Variants in EYA3 observed in about 807,000 individuals in gnomAD.
EYA3 encodes the protein EYA transcriptional coactivator and phosphatase 3.
Under a neutral mutation model 80.0 loss-of-function variants are expected in EYA3, and 39 were observed. That is an observed-to-expected ratio of 0.49 (90% CI 0.38 to 0.64). EYA3 has a LOEUF of 0.64. EYA3 is among the 30% of genes least tolerant of loss of function. EYA3 has a pLI of 0.00. For missense variants in EYA3, 523 were observed against 676.1 expected, an observed-to-expected ratio of 0.77 and a Z score of 2.51; for synonymous variants, 206 against 232.8, an observed-to-expected ratio of 0.88 and a Z score of 1.05.
chr1:27,989,037 T>C (rs992589457), intron 15 of EYA3, among the ~76,000 whole-genome samples: 4 of 152,210 alleles, frequency 2.6e-5, no homozygotes, highest in Admixed American at 6.5e-5. Context: ...TGCAAGTCAG[T>C]CCATAAATGA....
At chr1:28,004,208 G>A (rs1641103822) in intron 11 of EYA3, 128 bp downstream of exon 11, 1 of 574,196 alleles carries the variant, frequency 1.7e-6, no homozygotes, top group Admixed American at 3.3e-5. Context: ...GCCATTTGTT[G>A]AAGTTTTACA....
At chr1:28,083,748 A>G (rs1645513859) in intron 1 of EYA3, among the ~76,000 whole-genome samples, 1 of 152,158 alleles carries the variant, frequency 6.6e-6, no homozygotes, top group South Asian at 2.1e-4. Context: ...TATGTTAATT[A>G]AGTTTATTTA....
chr1:28,001,325 T>C (rs1452975707), intron 11 of EYA3, among the ~76,000 whole-genome samples: 2 of 151,108 alleles, frequency 1.3e-5, no homozygotes, highest in Non-Finnish European at 2.9e-5. Context: ...GCTCTTCCCA[T>C]TATATCTTCT....
At chr1:27,991,852 G>C (rs1640088465) in intron 14 of EYA3, among the ~76,000 whole-genome samples, 1 of 152,106 alleles carries the variant, frequency 6.6e-6, no homozygotes, top group Non-Finnish European at 1.5e-5. Context: ...CAGGAAACCA[G>C]GTCCAGGCAT....
intron 7 of EYA3, among the ~76,000 whole-genome samples, chr1:28,021,228 C>G (rs1372020256): frequency 6.6e-6 from 1 of 152,168 alleles, no homozygotes; most frequent in Non-Finnish European, 1.5e-5. Context: ...CATTTGAGGA[C>G]TTTTGCAATA....
Position 28,013,405 on chromosome 1 carries a change from A to T in EYA3, c.586-111T>A. ...TTCATAATTATTTTTCTAAAACATT[A>T]ATTTGACTTCTCATTTACCTACCTA... On this transcript the variant is annotated intron_variant, in intron 8 of 17. Transcript: ENST00000373871. This position sits in a 1 kb window ranked among gnomAD's most constrained non-coding sequence, Gnocchi z 4.0. The T allele has an allele frequency of 1.0e-6, 1 of 983,994 alleles. No individual in the cohort carries two copies. Among genetic ancestry groups the T allele is most frequent in the Non-Finnish European group, 1.4e-6 (1 of 698,804 alleles). 61.0% of individuals were successfully genotyped at this position (983,994 alleles called of 1,614,324 possible).
chr1:28,026,862 G>A (rs1039508928), intron 7 of EYA3, among the ~76,000 whole-genome samples: 8 of 152,084 alleles, frequency 5.3e-5, no homozygotes, highest in South Asian at 2.1e-4. Flanking sequence ...ATAGAGACCA[G>A]TTCTGTTTCC....
At chr1:28,033,501 T>C (rs1462483778) in intron 6 of EYA3, among the ~76,000 whole-genome samples, 2 of 152,034 alleles carry the variant, frequency 1.3e-5, no homozygotes, top group Non-Finnish European at 2.9e-5. Context: ...CAAGTCTTCC[T>C]TGCCCTCAAA....
intron 9 of EYA3, among the ~76,000 whole-genome samples, chr1:28,012,210 G>C (rs562974245): frequency 6.6e-6 from 1 of 152,106 alleles, no homozygotes; most frequent in Non-Finnish European, 1.5e-5. Context: ...ATATGTAAGT[G>C]TTCATCACAC....
chr1:28,053,935 G>A (rs978433252), intron 2 of EYA3, among the ~76,000 whole-genome samples: 1 of 152,136 alleles, frequency 6.6e-6, no homozygotes, highest in African/African-American at 2.4e-5. Flanking sequence ...TAAACAAGAG[G>A]CAAAAGCATG....
intron 4 of EYA3, among the ~76,000 whole-genome samples, chr1:28,042,345 G>C (rs568768309): frequency 1.3e-5 from 2 of 152,032 alleles, no homozygotes; most frequent in Non-Finnish European, 2.9e-5. Context: ...ATAAAATCAC[G>C]GCGTGTGACT....
chr1:28,042,487 C>CA lies in EYA3; in HGVS notation c.157+83dup, dbSNP rs979100669. 149 of 1,200,166 alleles carry CA rather than the reference C, an allele frequency of 1.2e-4. 2 individuals carry two copies. In the Middle Eastern group the frequency reaches 3.3e-3, roughly 26 times the overall value. 74.3% of individuals were successfully genotyped at this position (1,200,166 alleles called of 1,614,324 possible). A position where few individuals can be genotyped will look rare whatever the true frequency, so the allele number is the denominator to read the frequency against. On this transcript the variant is annotated intron_variant, in intron 4 of 17. Coordinates refer to ENST00000373871, the MANE Select transcript of EYA3 (RefSeq NM_001990.4). ...TCAGGATATTTTGGGACAAACAAGG[C>CA]AATTACGAAAAACCAACTCTATAAG... is the stretch of plus-strand genomic sequence containing the variant.
chr1:27,977,680 T>C lies in EYA3; in HGVS notation c.1641+694A>G, dbSNP rs951280793. 4.6e-5 allele frequency among the ~76,000 whole-genome samples: 7 copies of C among 152,032 alleles called. No individual in the cohort carries two copies. The East Asian group carries it at 1.2e-3, about 25-fold the overall frequency. On this transcript the variant is annotated intron_variant, in intron 17 of 17. Transcript: ENST00000373871. ...CCTGGCCAATACGGGAAACCCCGTCTCTACTAAAAATACAAAAATTAGTTG... is the reference window on the plus strand; with the variant it reads ...CCTGGCCAATACGGGAAACCCCGTCCCTACTAAAAATACAAAAATTAGTTG...
At chr1:28,019,750 C>T (rs1642303787) in intron 7 of EYA3, among the ~76,000 whole-genome samples, 1 of 151,990 alleles carries the variant, frequency 6.6e-6, no homozygotes, top group Admixed American at 6.6e-5. Flanking sequence ...GTTGCCCAGG[C>T]TAGAGTGCAA....
chr1:28,023,853 T>A (rs1642606941), intron 7 of EYA3, among the ~76,000 whole-genome samples: 1 of 152,186 alleles, frequency 6.6e-6, no homozygotes, highest in South Asian at 2.1e-4. Context: ...ACGTAAGATG[T>A]TAATAATGGG....
chr1:28,013,197 T>A lies in EYA3; in HGVS notation c.683A>T (p.Glu228Val). The A allele has an allele frequency of 6.2e-7, 1 of 1,614,156 alleles. No homozygotes were observed. The highest frequency in any genetic ancestry group is 2.2e-5 in the East Asian group (1 of 44,892). The change falls in exon 9 of 18, where the codon GAG becomes GTG. Residue 228 changes from glutamate to valine, a missense_variant. Glu to Val is a moderately radical substitution (Grantham distance 121, BLOSUM62 -2). This residue lies in a region of EYA3 where 304 missense variants were observed against 343.3 expected (regional missense o/e 0.89). Transcript: ENST00000373871. This position sits in a 1 kb window ranked among gnomAD's most constrained non-coding sequence, Gnocchi z 4.0. The part of the protein sequence containing the change: ...GVTGQTNSDA[E>V]STTLAATTYQ... ...TGTGGTTGCTGCTAATGTGGTGCTC[T>A]CTGCATCACTGTTAGTCTGACCTGT...
At chr1:28,050,677 T>C (rs1226526955) in intron 2 of EYA3, among the ~76,000 whole-genome samples, 1 of 152,110 alleles carries the variant, frequency 6.6e-6, no homozygotes, top group Non-Finnish European at 1.5e-5. Context: ...GTTACAATGT[T>C]TTTTTTGTTT....
At chr1:27,998,746 C>G (rs1640627543) in intron 12 of EYA3, among the ~76,000 whole-genome samples, 1 of 151,298 alleles carries the variant, frequency 6.6e-6, no homozygotes, top group Admixed American at 6.6e-5. Context: ...AAAATGATTA[C>G]TTTGTGTTTA....
chr1:28,013,312 T>A lies in EYA3; in HGVS notation c.586-18A>T. 6.3e-7 allele frequency: 1 copy of A among 1,588,588 alleles called. No individual in the cohort carries two copies. Among genetic ancestry groups the A allele is most frequent in the South Asian group, 1.1e-5 (1 of 87,734 alleles). On this transcript the variant is annotated intron_variant, in intron 8 of 17. Coordinates refer to ENST00000373871, the MANE Select transcript of EYA3 (RefSeq NM_001990.4). The surrounding 1 kb of genome is among the most constrained non-coding windows in gnomAD (Gnocchi z 4.0). The stretch of plus-strand genomic sequence containing the variant: ...GGATAATCCTGCAGGCCAAAGGAAA[T>A]AAGAAAACAAGACTCTTATAGCATA...
Sources: allele counts gnomAD v4.1 joint callset (sites outside exome capture counted in the v4.1 genomes callset), GRCh38; gene constraint gnomAD v4.1.1; regional missense constraint gnomAD v4.1.1; non-coding constraint Gnocchi (gnomAD v3.1); transcripts MANE v1.5; gene names NCBI Gene and HGNC (gene_info 2026-07-23, HGNC 2026-07-21).